Variants in UPRT observed in about 807,000 individuals in gnomAD.
UPRT encodes the protein uracil phosphoribosyltransferase homolog, also known as RP11-311P8.3.
UPRT carries 5 observed loss-of-function variants against 22.6 expected under a neutral mutation model. The observed-to-expected ratio is 0.22, with a 90% CI of 0.12 to 0.47. The LOEUF (loss-of-function observed/expected upper bound fraction) is 0.47. Among genes scored for constraint, UPRT ranks in the 20% least tolerant of loss-of-function variants. The pLI is 0.99. For missense variants in UPRT, 181 were observed against 239.9 expected (o/e 0.75, Z 1.62); for synonymous variants, 77 against 87.7 (o/e 0.88, Z 0.68).
At chrX:75,183,572 G>C (rs919206285) in intron 4 of UPRT, among the ~76,000 whole-genome samples, 2 of 111,764 alleles carry the variant, frequency 1.8e-5, no homozygotes, top group African/African-American at 3.3e-5. Flanking sequence ...GGTATTTCTA[G>C]TTCTAGATCC....
intron 4 of UPRT, among the ~76,000 whole-genome samples, chrX:75,255,612 G>A (rs1195667809): frequency 9.0e-6 from 1 of 111,457 alleles, no homozygotes; most frequent in African/African-American, 3.3e-5. Flanking sequence ...CTGTTTTCAA[G>A]AGACTCACCT....
chrX:75,230,675 A>T (rs1031538052), intron 4 of UPRT, among the ~76,000 whole-genome samples: 1 of 111,382 alleles, frequency 9.0e-6, no homozygotes, highest in African/African-American at 3.3e-5. Context: ...CAAAACTACA[A>T]CCAGGGACTC....
At chrX:75,265,241 G>T (rs1360001235) in intron 4 of UPRT, among the ~76,000 whole-genome samples, 1 of 111,410 alleles carries the variant, frequency 9.0e-6, no homozygotes, top group Non-Finnish European at 1.9e-5. Flanking sequence ...TGCTAGATTG[G>T]GGAAGTTCTC....
chrX:75,263,688 T>A (rs2147671740), intron 4 of UPRT, among the ~76,000 whole-genome samples: 1 of 109,001 alleles, frequency 9.2e-6, no homozygotes, highest in South Asian at 4.1e-4. Context: ...TCATTAATTT[T>A]TTGAAGGGTT....
intron 4 of UPRT, among the ~76,000 whole-genome samples, chrX:75,188,337 T>G (rs982615252): frequency 8.9e-6 from 1 of 112,022 alleles, no homozygotes; most frequent in African/African-American, 3.2e-5. Context: ...GACTGCTCGG[T>G]GGTCAGGGGT....
At chrX:75,175,309 C>G (rs1380428146) in intron 4 of UPRT, among the ~76,000 whole-genome samples, 1 of 111,811 alleles carries the variant, frequency 8.9e-6, no homozygotes, top group Non-Finnish European at 1.9e-5. Flanking sequence ...ATATCCCTCC[C>G]TAATAATAGT....
At chrX:75,263,320 T>A (rs2082575298) in intron 4 of UPRT, among the ~76,000 whole-genome samples, 1 of 111,914 alleles carries the variant, frequency 8.9e-6, no homozygotes, top group Non-Finnish European at 1.9e-5. Flanking sequence ...GTACCTCTGG[T>A]AGAATTCAGC....
chrX:75,161,620 G>A, intron 2 of UPRT, among the ~76,000 whole-genome samples: 1 of 111,764 alleles, frequency 8.9e-6, no homozygotes, highest in Non-Finnish European at 1.9e-5. Context: ...AGTAGCTACT[G>A]CTTTACATAC....
chrX:75,174,423 C>G (rs1325572045), intron 4 of UPRT, among the ~76,000 whole-genome samples: 1 of 111,527 alleles, frequency 9.0e-6, no homozygotes, highest in Non-Finnish European at 1.9e-5. Flanking sequence ...ACAAATTTGA[C>G]AAGAAGGTTA....
intron 4 of UPRT, among the ~76,000 whole-genome samples, chrX:75,216,345 A>G (rs1025093119): frequency 1.8e-5 from 2 of 112,225 alleles, no homozygotes; most frequent in Admixed American, 9.5e-5. Flanking sequence ...AATTCAGAAT[A>G]GAAGGGAACT....
chrX:75,236,308 C>A (rs982403425), intron 4 of UPRT, among the ~76,000 whole-genome samples: 2 of 111,458 alleles, frequency 1.8e-5, no homozygotes, highest in Admixed American at 9.5e-5. Flanking sequence ...AGGATACAAA[C>A]AAATGGAAGA....
At chrX:75,256,596 G>C (rs888646619) in intron 4 of UPRT, among the ~76,000 whole-genome samples, 1 of 110,331 alleles carries the variant, frequency 9.1e-6, no homozygotes, top group African/African-American at 3.3e-5. Flanking sequence ...TCTTTGACAA[G>C]ATAAATAAAA....
intron 4 of UPRT, among the ~76,000 whole-genome samples, chrX:75,251,800 G>C: frequency 9.0e-6 from 1 of 111,284 alleles, no homozygotes; most frequent in Non-Finnish European, 1.9e-5. Flanking sequence ...CACACTACCT[G>C]ACTTCAAACT....
chrX:75,269,096 G>GCAT (rs1391748006), upstream of UPRT, among the ~76,000 whole-genome samples: 1 of 111,265 alleles, frequency 9.0e-6, no homozygotes, highest in Non-Finnish European at 1.9e-5. Flanking sequence ...ACAATCACTA[G>GCAT]CATTCCTATA....
intron 4 of UPRT, among the ~76,000 whole-genome samples, chrX:75,184,283 C>A (rs1014759461): frequency 8.9e-6 from 1 of 112,142 alleles, no homozygotes; most frequent in Non-Finnish European, 1.9e-5. Context: ...AATAGGGAAT[C>A]CTTTCCCCAT....
intron 4 of UPRT, among the ~76,000 whole-genome samples, chrX:75,185,811 C>A (rs1486864222): frequency 9.0e-6 from 1 of 111,138 alleles, no homozygotes; most frequent in African/African-American, 3.3e-5. Context: ...ATTTGCGTAG[C>A]GGTGTTTGTA....
intron 1 of UPRT, among the ~76,000 whole-genome samples, chrX:75,292,240 T>C (rs1265202144): frequency 2.7e-5 from 3 of 111,665 alleles, no homozygotes; most frequent in Non-Finnish European, 5.7e-5. Context: ...ATTATATAAA[T>C]GAAAGGTGCT....
At chrX:75,244,137 G>A (rs1172678808) in intron 4 of UPRT, among the ~76,000 whole-genome samples, 1 of 111,266 alleles carries the variant, frequency 9.0e-6, no homozygotes, top group African/African-American at 3.3e-5. Context: ...GAAAAATAAA[G>A]GGAGAAAAAT....
intron 4 of UPRT, among the ~76,000 whole-genome samples, chrX:75,195,658 C>T (rs2082330757): frequency 8.9e-6 from 1 of 111,933 alleles, no homozygotes; most frequent in African/African-American, 3.3e-5. Flanking sequence ...CTGCTCAATT[C>T]ACCCCTTCCC....
Sources: allele counts gnomAD v4.1 joint callset (sites outside exome capture counted in the v4.1 genomes callset), GRCh38; gene constraint gnomAD v4.1.1; transcripts MANE v1.5; gene names NCBI Gene and HGNC (gene_info 2026-07-23, HGNC 2026-07-21).